PHLDB2: variants seen among roughly 807,000 people sequenced by gnomAD.
The protein encoded by PHLDB2 is pleckstrin homology-like domain family B member 2.
In PHLDB2, 71 loss-of-function variants were observed where a neutral mutation model predicts 123.6. The observed-to-expected ratio is 0.57, with a 90% CI of 0.47 to 0.70. The LOEUF is 0.70. Ranked by LOEUF, PHLDB2 falls within the 30% of genes least tolerant of loss-of-function variation. PHLDB2 has a pLI of 0.00. For missense variants in PHLDB2, 1,446 were observed against 1,519.5 expected, an observed-to-expected ratio of 0.95 and a Z score of 0.80; for synonymous variants, 547 against 541.6, an observed-to-expected ratio of 1.01 and a Z score of -0.14.
At chr3:111,830,943 GAAAGAAAGAAAGAGAAAGAAAGAAAGA>G (rs2062941732) in intron 1 of PHLDB2, among the ~76,000 whole-genome samples, 2 of 104,654 alleles carry the variant, frequency 1.9e-5, no homozygotes, top group Non-Finnish European at 1.8e-5. Flanking sequence ...AGAAAAGAAG[GAAAGAAAGAAAGAGAAAGAAAGAAAGA>G]AAGAAAGAAA....
intron 2 of PHLDB2, among the ~76,000 whole-genome samples, chr3:111,907,743 C>G: frequency 6.6e-6 from 1 of 152,120 alleles, no homozygotes; most frequent in East Asian, 1.9e-4. Context: ...CCACACGCCT[C>G]AACCTTCCAA....
chr3:111,768,962 C>A (rs2060128516), intron 1 of PHLDB2, among the ~76,000 whole-genome samples: 1 of 152,200 alleles, frequency 6.6e-6, no homozygotes, highest in Non-Finnish European at 1.5e-5. Context: ...TGAGCAATTT[C>A]TCGAGCCTTT....
chr3:111,900,697 G>T (rs775691357), intron 2 of PHLDB2, among the ~76,000 whole-genome samples: 3 of 152,168 alleles, frequency 2.0e-5, no homozygotes, highest in Non-Finnish European at 2.9e-5. Context: ...AGAATGTGAC[G>T]CAGAGACATG....
chr3:111,735,164 A>G (rs747057997), intron 1 of PHLDB2, among the ~76,000 whole-genome samples: 1 of 152,230 alleles, frequency 6.6e-6, no homozygotes, highest in Non-Finnish European at 1.5e-5. Flanking sequence ...TCAAGAATTT[A>G]CTATCTCATC....
At chr3:111,791,960 C>A (rs548776439) in intron 1 of PHLDB2, among the ~76,000 whole-genome samples, 2 of 152,276 alleles carry the variant, frequency 1.3e-5, no homozygotes, top group East Asian at 3.9e-4. Context: ...TAACCATAAC[C>A]TCTTCATCCC....
intron 1 of PHLDB2, among the ~76,000 whole-genome samples, chr3:111,736,219 TATC>T (rs1179458306): frequency 4.6e-5 from 7 of 152,334 alleles, no homozygotes; most frequent in Non-Finnish European, 1.0e-4. Flanking sequence ...AAATTGTTCT[TATC>T]ATCTCCTAGT....
At chr3:111,801,522 C>A (rs1008778522) in intron 1 of PHLDB2, among the ~76,000 whole-genome samples, 1 of 152,060 alleles carries the variant, frequency 6.6e-6, no homozygotes, top group Non-Finnish European at 1.5e-5. Context: ...ATTCATGTCA[C>A]AAATATGAAT....
chr3:111,880,582 T>A (rs989043874), intron 1 of PHLDB2, among the ~76,000 whole-genome samples: 1 of 152,184 alleles, frequency 6.6e-6, no homozygotes, highest in African/African-American at 2.4e-5. Flanking sequence ...GTCCCGGTCA[T>A]AACCATGACT....
At chr3:111,894,817 G>A (rs2055364) in intron 2 of PHLDB2, among the ~76,000 whole-genome samples, 69,437 of 151,782 alleles carry the variant, frequency 0.46, 16,747 homozygotes, top group East Asian at 0.68. Context: ...AGCCCTTAAA[G>A]TAAGTACATT....
intron 1 of PHLDB2, among the ~76,000 whole-genome samples, chr3:111,870,285 T>TG (rs1285353269): frequency 6.6e-6 from 1 of 151,846 alleles, no homozygotes; most frequent in African/African-American, 2.4e-5. Context: ...CAGATGAGTT[T>TG]GGGGATATGT....
At chr3:111,934,052 T>C (rs1414372168) in intron 6 of PHLDB2, among the ~76,000 whole-genome samples, 1 of 152,222 alleles carries the variant, frequency 6.6e-6, no homozygotes, top group African/African-American at 2.4e-5. Context: ...GTTCCAAAGA[T>C]TCTGACTACA....
At chr3:111,780,324 A>AGAG (rs2060378088) in intron 1 of PHLDB2, among the ~76,000 whole-genome samples, 4 of 7,540 alleles carry the variant, frequency 5.3e-4, no homozygotes, top group Non-Finnish European at 6.9e-4. Flanking sequence ...AGGAAGAGGA[A>AGAG]GAAGAAGAAG....
chr3:111,956,675 G>A (rs1225600705), intron 12 of PHLDB2, among the ~76,000 whole-genome samples: 1 of 152,144 alleles, frequency 6.6e-6, no homozygotes, highest in Non-Finnish European at 1.5e-5. Context: ...TGAAAAGACA[G>A]CCTGCTGCCT....
intron 1 of PHLDB2, among the ~76,000 whole-genome samples, chr3:111,871,695 G>T (rs2065350519): frequency 6.6e-6 from 1 of 152,234 alleles, no homozygotes; most frequent in South Asian, 2.1e-4. Flanking sequence ...TGTTTCTTCG[G>T]TGTGTTTTCA....
Position 111,966,714 on chromosome 3 carries a change from T to C in PHLDB2, c.3168+11T>C, listed in dbSNP as rs2071792113. The C allele has an allele frequency of 6.2e-7, 1 of 1,609,388 alleles. No individual in the cohort carries two copies. The highest frequency in any genetic ancestry group is 8.5e-7 in the Non-Finnish European group (1 of 1,177,166). ...CTGCTCGAATCCAGGGTAAGCTTCA[T>C]ATTTTCATGCCGGAGGTCTGTGATA... On this transcript the variant is annotated intron_variant, in intron 14 of 17. Transcript: ENST00000431670.
chr3:111,820,782 C>A (rs2062335481), intron 1 of PHLDB2, among the ~76,000 whole-genome samples: 3 of 152,196 alleles, frequency 2.0e-5, no homozygotes, highest in Admixed American at 2.0e-4. Flanking sequence ...AGGGGCATGG[C>A]CGGAATGAGG....
chr3:111,968,769 G>GTTTAT (rs1577225741), intron 15 of PHLDB2, among the ~76,000 whole-genome samples: 1 of 152,140 alleles, frequency 6.6e-6, no homozygotes, highest in East Asian at 1.9e-4. Context: ...AGTAAAATTT[G>GTTTAT]TTTATTTTAT....
At chr3:111,757,754 G>T (rs903116415) in intron 1 of PHLDB2, among the ~76,000 whole-genome samples, 4 of 152,180 alleles carry the variant, frequency 2.6e-5, no homozygotes, top group African/African-American at 9.7e-5. Flanking sequence ...GGTTTTTGGT[G>T]TGGATGTCCT....
At chr3:111,746,274 T>C (rs1156703857) in intron 1 of PHLDB2, among the ~76,000 whole-genome samples, 1 of 152,164 alleles carries the variant, frequency 6.6e-6, no homozygotes, top group African/African-American at 2.4e-5. Context: ...CAGAAAGTCT[T>C]TTATTTCCCT....
Sources: gnomAD v4.1 joint callset for allele counts (sites outside exome capture counted in the v4.1 genomes callset) on GRCh38, gnomAD v4.1.1 for gene constraint, MANE v1.5 for transcripts, NCBI Gene and HGNC (gene_info 2026-07-23, HGNC 2026-07-21) for gene names.